CDH18: variants seen among roughly 807,000 people sequenced by gnomAD.
CDH18 encodes the protein cadherin 18.
A neutral mutation model predicts 67.9 loss-of-function variants in CDH18; 31 were observed. The observed-to-expected ratio is 0.46, with a 90% CI of 0.34 to 0.62. CDH18 has a LOEUF of 0.62. Ranked by LOEUF, CDH18 falls within the 20% of genes least tolerant of loss-of-function variation. The probability of loss-of-function intolerance (pLI) is 0.01; values close to 1 mark genes in which losing one functional copy is unlikely to be tolerated. For missense variants in CDH18, 890 were observed against 975.5 expected, an observed-to-expected ratio of 0.91 and a Z score of 1.17; for synonymous variants, 362 against 347.2, an observed-to-expected ratio of 1.04 and a Z score of -0.48.
intron 2 of CDH18, among the ~76,000 whole-genome samples, chr5:20,010,405 C>T (rs1441428236): frequency 6.6e-6 from 1 of 151,942 alleles, no homozygotes; most frequent in Non-Finnish European, 1.5e-5. Context: ...CACAGGGTTT[C>T]ACCATGTTGG....
chr5:20,001,193 T>C (rs1188146117), intron 2 of CDH18, among the ~76,000 whole-genome samples: 1 of 152,192 alleles, frequency 6.6e-6, no homozygotes, highest in African/African-American at 2.4e-5. Flanking sequence ...TTAGCTATGC[T>C]TTACCATTTC....
intron 5 of CDH18, among the ~76,000 whole-genome samples, chr5:19,714,499 A>G (rs1765104696): frequency 6.9e-6 from 1 of 143,970 alleles, no homozygotes; most frequent in African/African-American, 2.8e-5. Context: ...TCCCTAAAGT[A>G]GACAAAGTGA....
intron 3 of CDH18, among the ~76,000 whole-genome samples, chr5:19,782,922 A>G (rs1305524597): frequency 6.6e-6 from 1 of 152,228 alleles, no homozygotes; most frequent in African/African-American, 2.4e-5. Context: ...GGCCTACACA[A>G]AGCAATAATA....
chr5:19,833,356 T>C (rs779271808), intron 3 of CDH18, among the ~76,000 whole-genome samples: 1 of 152,148 alleles, frequency 6.6e-6, no homozygotes, highest in African/African-American at 2.4e-5. Flanking sequence ...CTTGTGATGT[T>C]TGCATATCGA....
At chr5:20,101,994 C>T (rs1746508528) in intron 2 of CDH18, among the ~76,000 whole-genome samples, 1 of 152,078 alleles carries the variant, frequency 6.6e-6, no homozygotes, top group African/African-American at 2.4e-5. Context: ...TTGCTTGAAC[C>T]CGGGAGGCAG....
intron 9 of CDH18, among the ~76,000 whole-genome samples, chr5:19,521,997 A>C (rs1212742271): frequency 6.6e-6 from 1 of 152,158 alleles, no homozygotes; most frequent in African/African-American, 2.4e-5. Flanking sequence ...CTGCCTAAAC[A>C]AAATAATAGT....
At chr5:20,431,459 A>C (rs1031936491) in intron 1 of CDH18, among the ~76,000 whole-genome samples, 15 of 147,748 alleles carry the variant, frequency 1.0e-4, no homozygotes, top group Non-Finnish European at 1.8e-4. Flanking sequence ...GTGCCACTGC[A>C]CTCCAGCCTG....
At chr5:20,551,344 T>G (rs1757622211) in intron 1 of CDH18, among the ~76,000 whole-genome samples, 1 of 152,214 alleles carries the variant, frequency 6.6e-6, no homozygotes, top group Non-Finnish European at 1.5e-5. Context: ...TGGTGTCAAA[T>G]TCCACTGACC....
At position 20,139,708 on chromosome 5, in the gene CDH18, C is replaced by A. The variant is rs191515918; in HGVS notation, c.-518+115736G>T. On this transcript the variant is annotated intron_variant, in intron 2 of 14. Coordinates refer to the CDH18 transcript ENST00000507958. ...AAGACATTCATGCAGCCCACAGACACATGAAAAAATGCTCATCATCACTGG... is the reference window on the plus strand; with the variant it reads ...AAGACATTCATGCAGCCCACAGACAAATGAAAAAATGCTCATCATCACTGG... 4.2e-4 allele frequency among the ~76,000 whole-genome samples: 64 copies of A among 152,254 alleles called. No homozygotes were observed. In the East Asian group the frequency reaches 0.011, roughly 25 times the overall value.
chr5:20,338,128 T>C (rs1290082467), intron 1 of CDH18, among the ~76,000 whole-genome samples: 2 of 152,210 alleles, frequency 1.3e-5, no homozygotes, highest in Non-Finnish European at 2.9e-5. Context: ...GATTTCAAGA[T>C]GAGATTTGGG....
intron 1 of CDH18, among the ~76,000 whole-genome samples, chr5:20,388,680 T>G (rs1337527003): frequency 6.6e-6 from 1 of 152,202 alleles, no homozygotes; most frequent in East Asian, 1.9e-4. Context: ...ATTTTAGATC[T>G]TTCCTGCTTT....
chr5:20,426,017 T>G (rs930419551), intron 1 of CDH18, among the ~76,000 whole-genome samples: 1 of 151,314 alleles, frequency 6.6e-6, no homozygotes, highest in South Asian at 2.1e-4. Context: ...GCCGATTTTT[T>G]AAATCAATAC....
chr5:19,634,631 T>C (rs919343027), intron 5 of CDH18, among the ~76,000 whole-genome samples: 1 of 152,046 alleles, frequency 6.6e-6, no homozygotes, highest in Admixed American at 6.6e-5. Context: ...CAAGAAATAT[T>C]CTCCCAAAGA....
At chr5:19,494,508 T>G (rs17216535) in intron 11 of CDH18, among the ~76,000 whole-genome samples, 46,779 of 152,106 alleles carry the variant, frequency 0.31, 7,293 homozygotes, top group South Asian at 0.39. Context: ...TTGAACTTTC[T>G]GCTCACTGAT....
intron 1 of CDH18, among the ~76,000 whole-genome samples, chr5:20,408,366 A>T (rs1218584014): frequency 2.6e-5 from 4 of 152,068 alleles, no homozygotes; most frequent in Middle Eastern, 3.2e-3. Flanking sequence ...ATACAGAATA[A>T]TGCATTTTTT....
intron 1 of CDH18, among the ~76,000 whole-genome samples, chr5:20,336,090 G>T (rs569244560): frequency 6.6e-6 from 1 of 152,216 alleles, no homozygotes; most frequent in East Asian, 1.9e-4. Flanking sequence ...CTCGCCTAGA[G>T]GCCATCAAAC....
intron 2 of CDH18, among the ~76,000 whole-genome samples, chr5:20,018,801 T>TAATGAACCTGAGAA: frequency 6.8e-6 from 1 of 147,068 alleles, no homozygotes; most frequent in African/African-American, 2.5e-5. Flanking sequence ...AAGGCATTCT[T>TAATGAACCTGAGAA]TTTTTTTTTT....
chr5:20,431,487 CAAAAAAAAA>C (rs560015111), intron 1 of CDH18, among the ~76,000 whole-genome samples: 2 of 66,242 alleles, frequency 3.0e-5, no homozygotes, highest in Non-Finnish European at 5.9e-5. Flanking sequence ...GAGTGAAACT[CAAAAAAAAA>C]AAAAAAAAAA....
In CDH18 at chr5:20,301,982, T is replaced by C. The variant is rs1300841805; in HGVS notation, c.-579-46477A>G. On this transcript the variant is annotated intron_variant, in intron 1 of 14. Coordinates refer to the CDH18 transcript ENST00000507958. ...TGTAATTTGAATAATGAAGATGGCA[T>C]AACAAATTTTTTTGCTTACTAGGAA... 1.3e-5 allele frequency among the ~76,000 whole-genome samples: 2 copies of C among 152,106 alleles called. 1 individual carries two copies. Among genetic ancestry groups the C allele is most frequent in the Non-Finnish European group, 2.9e-5 (2 of 68,024 alleles).
Sources: allele counts gnomAD v4.1 joint callset (sites outside exome capture counted in the v4.1 genomes callset), GRCh38; gene constraint gnomAD v4.1.1; transcripts MANE v1.5; gene names NCBI Gene and HGNC (gene_info 2026-07-23, HGNC 2026-07-21).